Variants in RUNX2 observed in about 807,000 individuals in gnomAD.
The protein encoded by RUNX2 is RUNX family transcription factor 2.
RUNX2 carries 10 observed loss-of-function variants against 51.7 expected under a neutral mutation model. The observed-to-expected ratio is 0.19, with a 90% confidence interval of 0.12 to 0.33. The LOEUF (loss-of-function observed/expected upper bound fraction) is 0.33, where lower values mean the gene tolerates loss of function less well. RUNX2 is among the 10% of genes least tolerant of loss of function. The probability of loss-of-function intolerance (pLI) is 1.00; values close to 1 mark genes in which losing one functional copy is unlikely to be tolerated. For synonymous variants in RUNX2, 276 were observed against 273.6 expected (o/e 1.01, Z -0.09); for missense variants, 562 against 691.3 (o/e 0.81, Z 2.10).
chr6:45,467,342 C>T (rs1380831553), intron 5 of RUNX2, among the ~76,000 whole-genome samples: 10 of 152,098 alleles, frequency 6.6e-5, no homozygotes, highest in African/African-American at 1.7e-4. Flanking sequence ...AGTGCAGTGG[C>T]GTGATCTCAG....
chr6:45,343,757 T>C (rs1790302495), intron 2 of RUNX2, among the ~76,000 whole-genome samples: 1 of 152,318 alleles, frequency 6.6e-6, no homozygotes, highest in Non-Finnish European at 1.5e-5. Context: ...CTGAGACAGC[T>C]ATCCAGTAGC....
chr6:45,485,697 G>GTATATA (rs10677574), intron 5 of RUNX2, among the ~76,000 whole-genome samples: 28 of 104,070 alleles, frequency 2.7e-4, no homozygotes, highest in African/African-American at 3.8e-4. Context: ...GTGTGTGTGT[G>GTATATA]TATATATATA....
intron 7 of RUNX2, among the ~76,000 whole-genome samples, chr6:45,523,924 G>C (rs1801586748): frequency 6.6e-6 from 1 of 151,236 alleles, no homozygotes; most frequent in African/African-American, 2.4e-5. Context: ...GAGCGAGACT[G>C]CATCTCAAAA....
intron 7 of RUNX2, among the ~76,000 whole-genome samples, chr6:45,516,159 T>C (rs1801312792): frequency 6.6e-6 from 1 of 152,164 alleles, no homozygotes. Context: ...GGAAGGAAGG[T>C]ATAAACAAAA....
At chr6:45,385,374 T>C in intron 2 of RUNX2, among the ~76,000 whole-genome samples, 1 of 152,214 alleles carries the variant, frequency 6.6e-6, no homozygotes, top group East Asian at 1.9e-4. Context: ...GCTTTGGCTC[T>C]GAACTTCCCC....
intron 6 of RUNX2, among the ~76,000 whole-genome samples, 157 bp downstream of exon 6, chr6:45,492,271 TA>T (rs566657443): frequency 1.1e-4 from 16 of 151,998 alleles, no homozygotes; most frequent in Admixed American, 2.6e-4. Context: ...TCTTTTTTAT[TA>T]AAAAAAATAA....
intron 2 of RUNX2, among the ~76,000 whole-genome samples, chr6:45,377,587 C>A (rs1161606260): frequency 6.6e-6 from 1 of 152,150 alleles, no homozygotes; most frequent in Non-Finnish European, 1.5e-5. Flanking sequence ...CTCCCACAGC[C>A]GCCCTCCCTT....
intron 2 of RUNX2, among the ~76,000 whole-genome samples, chr6:45,378,664 T>TA (rs1797127272): frequency 6.6e-6 from 1 of 151,582 alleles, no homozygotes; most frequent in African/African-American, 2.4e-5. Flanking sequence ...TTGAAGGCTT[T>TA]TTTTTTTTTT....
intron 7 of RUNX2, among the ~76,000 whole-genome samples, chr6:45,515,395 A>G (rs1189490259): frequency 6.6e-6 from 1 of 152,204 alleles, no homozygotes; most frequent in Admixed American, 6.5e-5. Context: ...TACTTCATAT[A>G]AAGTGTTTAG....
rs1802524620 is a variant in RUNX2 at position 45,550,204 on chromosome 6, A to G, written c.*2899A>G. On this transcript the variant is annotated 3_prime_UTR_variant, in exon 9 of 9. Coordinates refer to ENST00000647337, the MANE Select transcript of RUNX2 (RefSeq NM_001024630.4). Reference sequence around the variant, plus strand: ...ATGCAGCCACATTTTTATCCATTTCAGTTGTCTCACAAATTTTAACCCATA... The same window carrying G: ...ATGCAGCCACATTTTTATCCATTTCGGTTGTCTCACAAATTTTAACCCATA... The G allele has an allele frequency of 6.6e-6, 1 of 152,568 alleles. No individual in the cohort carries two copies. The highest frequency in any genetic ancestry group is 2.4e-5 in the African/African-American group (1 of 41,458). 9.5% of individuals were successfully genotyped at this position (152,568 alleles called of 1,614,324 possible).
intron 3 of RUNX2, among the ~76,000 whole-genome samples, chr6:45,425,626 T>C (rs9395101): frequency 0.48 from 72,109 of 151,672 alleles, 17,355 homozygotes; most frequent in South Asian, 0.61. Flanking sequence ...AAATACTCTG[T>C]TGAGAAAAAA....
At chr6:45,393,599 T>C (rs1386319220) in intron 2 of RUNX2, among the ~76,000 whole-genome samples, 1 of 151,994 alleles carries the variant, frequency 6.6e-6, no homozygotes, top group Non-Finnish European at 1.5e-5. Flanking sequence ...CGGCTAATTT[T>C]TCGTATTTTT....
intron 2 of RUNX2, among the ~76,000 whole-genome samples, chr6:45,357,449 GC>G (rs56203924): frequency 0.22 from 33,113 of 151,942 alleles, 4,403 homozygotes; most frequent in Non-Finnish European, 0.31. Context: ...TCCTGCCTCA[GC>G]CTCCCAAGTA....
chr6:45,393,954 C>T (rs1797528814), intron 2 of RUNX2, among the ~76,000 whole-genome samples: 1 of 149,524 alleles, frequency 6.7e-6, no homozygotes, highest in African/African-American at 2.5e-5. Flanking sequence ...GACCGAGTCT[C>T]ACTCTGCCCA....
intron 2 of RUNX2, among the ~76,000 whole-genome samples, chr6:45,408,791 C>A (rs577363757): frequency 6.6e-6 from 1 of 152,158 alleles, no homozygotes. Flanking sequence ...AAGGATGGTG[C>A]CTCAAGTGAA....
At chr6:45,374,997 A>G (rs978969076) in intron 2 of RUNX2, among the ~76,000 whole-genome samples, 4 of 152,186 alleles carry the variant, frequency 2.6e-5, no homozygotes, top group Non-Finnish European at 5.9e-5. Flanking sequence ...ACTTGAGATC[A>G]AGAGTTCAAA....
chr6:45,426,234 A>C (rs1401901334), intron 3 of RUNX2, among the ~76,000 whole-genome samples: 4 of 152,184 alleles, frequency 2.6e-5, no homozygotes, highest in Admixed American at 1.3e-4. Flanking sequence ...GCAGTTTTGA[A>C]ATGTTCGGTC....
chr6:45,364,966 A>C (rs1426202324), intron 2 of RUNX2, among the ~76,000 whole-genome samples: 1 of 152,236 alleles, frequency 6.6e-6, no homozygotes, highest in African/African-American at 2.4e-5. Context: ...TATTCATTCT[A>C]TCATTTATAA....
intron 7 of RUNX2, among the ~76,000 whole-genome samples, chr6:45,512,826 A>T (rs924942020): frequency 1.3e-5 from 2 of 152,094 alleles, no homozygotes; most frequent in African/African-American, 4.8e-5. Flanking sequence ...TATAAGTCCC[A>T]GGAGTCCAAG....
Sources: gnomAD v4.1 joint callset for allele counts (sites outside exome capture counted in the v4.1 genomes callset) on GRCh38, gnomAD v4.1.1 for gene constraint, MANE v1.5 for transcripts, NCBI Gene and HGNC (gene_info 2026-07-23, HGNC 2026-07-21) for gene names.